Variants in CPEB1 observed in about 807,000 individuals in gnomAD.
The protein encoded by CPEB1 is cytoplasmic polyadenylation element-binding protein 1.
In CPEB1, 7 loss-of-function variants were observed where a neutral mutation model predicts 65.8. The ratio of observed to expected loss-of-function variants is 0.11; its 90% CI spans 0.06 to 0.20. CPEB1 has a LOEUF of 0.20. Among genes scored for constraint, CPEB1 ranks in the 10% least tolerant of loss-of-function variants. The pLI, the probability that CPEB1 is intolerant of heterozygous loss-of-function variation, is 1.00. For synonymous variants in CPEB1, 262 were observed against 260.0 expected (o/e 1.01, Z -0.08); for missense variants, 551 against 712.2 (o/e 0.77, Z 2.58).
At position 82,594,474 on chromosome 15, in the gene CPEB1, T is replaced by C. The variant is rs142790335; in HGVS notation, c.272-22942A>G. On this transcript the variant is annotated intron_variant, in intron 3 of 12. Transcript: ENST00000684509. ...CTCTCTCAGCCTTCTCAGAAGAGTG[T>C]TAGGGCCTTCCTCTGGATTAAGTTT... Among the ~76,000 whole-genome samples, 311 of 152,350 alleles carry C rather than the reference T, an allele frequency of 2.0e-3. 1 individual carries two copies. Among genetic ancestry groups the C allele is most frequent in the African/African-American group, 7.3e-3 (305 of 41,580 alleles).
chr15:82,647,951 T>C (rs2047719141), upstream of CPEB1: 9 of 1,133,934 alleles, frequency 7.9e-6, no homozygotes, highest in South Asian at 3.5e-4. Flanking sequence ...TGGGCACTAT[T>C]TTTGCAGCGG....
At chr15:82,626,190 C>T (rs760859365) in intron 3 of CPEB1, among the ~76,000 whole-genome samples, 29 of 151,778 alleles carry the variant, frequency 1.9e-4, no homozygotes, top group Non-Finnish European at 2.9e-4. Flanking sequence ...AATCCCAGCA[C>T]TTTGGGAGGC....
At position 82,556,101 on chromosome 15, in the gene CPEB1, G is replaced by A; in HGVS notation, c.709C>T (p.Pro237Ser). ...CCTGACAGAGACAGGAAGGGCAGAGGTGGAGAAATGCGAAGGCTTGACTAG... is the reference window on the plus strand; with the variant it reads ...CCTGACAGAGACAGGAAGGGCAGAGATGGAGAAATGCGAAGGCTTGACTAG... Reference protein sequence around the residue: ...DLISSLRISPPLPFLSLSGGG... With the variant: ...DLISSLRISPSLPFLSLSGGG... The change falls in exon 6 of 13, where the codon CCT becomes TCT. Residue 237 changes from proline to serine, a missense_variant. Physicochemically the swap from Pro to Ser is moderately conservative, Grantham distance 74 (BLOSUM62 -1). This residue lies in a region of CPEB1 where 128 missense variants were observed against 129.1 expected (regional missense o/e 0.99). Coordinates refer to ENST00000684509, the MANE Select transcript of CPEB1 (RefSeq NM_001365242.1). 4 of 1,607,068 alleles carry A rather than the reference G, an allele frequency of 2.5e-6. No individual in the cohort carries two copies. Among genetic ancestry groups the A allele is most frequent in the Non-Finnish European group, 3.4e-6 (4 of 1,177,470 alleles).
rs1340896475 is a variant in CPEB1 at position 82,606,674 on chromosome 15, C to T, written c.271+20519G>A. On this transcript the variant is annotated intron_variant, in intron 3 of 12. Coordinates refer to ENST00000684509, the MANE Select transcript of CPEB1 (RefSeq NM_001365242.1). ...TCTACTAAAAATACAAAAAATTAGC[C>T]GGGCGTAGTGGCGGGCGCCTGTAGT... Among the ~76,000 whole-genome samples the T allele has an allele frequency of 3.9e-5, 4 of 101,458 alleles. 1 individual carries two copies. Among genetic ancestry groups the T allele is most frequent in the African/African-American group, 1.7e-4 (4 of 24,000 alleles). 66.6% of individuals were successfully genotyped at this position (101,458 alleles called of 152,430 possible).
At chr15:82,624,735 T>C (rs568355692) in intron 3 of CPEB1, among the ~76,000 whole-genome samples, 1 of 152,306 alleles carries the variant, frequency 6.6e-6, no homozygotes, top group African/African-American at 2.4e-5. Flanking sequence ...ACACCTAGTA[T>C]TAGCTGAAAA....
At chr15:82,558,065 C>T (rs1396178852) in intron 4 of CPEB1, 79 bp from the exon 5 acceptor site, 3 of 994,788 alleles carry the variant, frequency 3.0e-6, no homozygotes, top group Non-Finnish European at 4.5e-6. Flanking sequence ...CCTACAGCCA[C>T]CCAACAAGAG....
At chr15:82,613,940 G>T (rs1004821183) in intron 3 of CPEB1, among the ~76,000 whole-genome samples, 5 of 149,022 alleles carry the variant, frequency 3.4e-5, no homozygotes, top group African/African-American at 1.2e-4. Context: ...AGGCTCCCAG[G>T]ATCCTCTTCA....
intron 4 of CPEB1, among the ~76,000 whole-genome samples, chr15:82,564,969 C>A (rs1374033760): frequency 6.6e-6 from 1 of 152,152 alleles, no homozygotes; most frequent in East Asian, 1.9e-4. Context: ...CAGAAAGGGG[C>A]AATGCCATCC....
At chr15:82,568,183 T>G (rs1418106457) in intron 4 of CPEB1, among the ~76,000 whole-genome samples, 1 of 152,162 alleles carries the variant, frequency 6.6e-6, no homozygotes, top group African/African-American at 2.4e-5. Context: ...CTTTGTAACC[T>G]CCATGAGCCT....
intron 1 of CPEB1, chr15:82,628,763 T>C (rs2045987310): frequency 6.9e-6 from 2 of 288,324 alleles, no homozygotes; most frequent in Non-Finnish European, 1.3e-5. Context: ...CTGCTCAATG[T>C]GAAAACAGTA....
At chr15:82,640,653 A>G (rs574419911) in intron 1 of CPEB1, 1 of 152,206 alleles carries the variant, frequency 6.6e-6, no homozygotes, top group African/African-American at 2.4e-5. Flanking sequence ...TGGGTTTAAC[A>G]TACCTCAGAT....
At chr15:82,639,486 GC>G (rs999610529) in intron 1 of CPEB1, among the ~76,000 whole-genome samples, 1 of 149,616 alleles carries the variant, frequency 6.7e-6, no homozygotes, top group Non-Finnish European at 1.5e-5. Context: ...TTTGGGTCTG[GC>G]TTTTTTTTTT....
intron 9 of CPEB1, among the ~76,000 whole-genome samples, chr15:82,552,224 G>A (rs552558648): frequency 9.9e-5 from 15 of 151,952 alleles, no homozygotes; most frequent in South Asian, 8.3e-4. Flanking sequence ...GAATAAAGAC[G>A]GGCAGACAGT....
chr15:82,553,705 C>A, intron 7 of CPEB1, 149 bp from the exon 8 acceptor site: 1 of 771,072 alleles, frequency 1.3e-6, no homozygotes, highest in Non-Finnish European at 2.2e-6. Flanking sequence ...TGTAAGCTCC[C>A]GACATAAGGA....
chr15:82,634,559 TA>T lies in CPEB1; in HGVS notation c.-97-6004del, dbSNP rs536572942. Reference sequence around the variant, plus strand: ...CTATTAATCATGTACAATGGATTAATAGCCAGTTGAGAAATTTATAGAAGAC... The same window carrying T: ...CTATTAATCATGTACAATGGATTAATGCCAGTTGAGAAATTTATAGAAGAC... On this transcript the variant is annotated intron_variant, in intron 1 of 12. Transcript: ENST00000684509. Among the ~76,000 whole-genome samples the T allele has an allele frequency of 1.6e-3, 245 of 152,338 alleles. 1 individual carries two copies. Among genetic ancestry groups the T allele is most frequent in the African/African-American group, 5.7e-3 (235 of 41,566 alleles).
intron 3 of CPEB1, among the ~76,000 whole-genome samples, chr15:82,584,960 T>C (rs1007132059): frequency 2.9e-4 from 32 of 110,706 alleles, no homozygotes; most frequent in African/African-American, 1.3e-3. Flanking sequence ...AAATGCAAGC[T>C]ATTAAACTGG....
At chr15:82,629,451 T>A (rs1308679549) in intron 1 of CPEB1, 43 of 978,956 alleles carry the variant, frequency 4.4e-5, no homozygotes, top group Non-Finnish European at 5.2e-5. Context: ...AGAACTCCTA[T>A]ATATATATAT....
chr15:82,571,664 C>T (rs1596044178), intron 3 of CPEB1, 132 bp from the exon 4 acceptor site: 2 of 1,449,422 alleles, frequency 1.4e-6, no homozygotes, highest in Admixed American at 5.5e-5. Flanking sequence ...CTGGATGCTG[C>T]AGCCGCTGCC....
At chr15:82,567,405 G>A (rs1183455639) in intron 4 of CPEB1, among the ~76,000 whole-genome samples, 4 of 152,058 alleles carry the variant, frequency 2.6e-5, no homozygotes, top group Admixed American at 1.3e-4. Flanking sequence ...TTGGGAGTCC[G>A]AGGCGGGTGG....
Sources: allele counts gnomAD v4.1 joint callset (sites outside exome capture counted in the v4.1 genomes callset), GRCh38; gene constraint gnomAD v4.1.1; regional missense constraint gnomAD v4.1.1; transcripts MANE v1.5; gene names NCBI Gene and HGNC (gene_info 2026-07-23, HGNC 2026-07-21).